The following DRC5 variants were observed in gnomAD, a reference collection of about 807,000 sequenced individuals.
DRC5 encodes dynein regulatory complex subunit 5.
chr6:44,286,421 T>C, the DRC5 span: 10 of 1,614,186 alleles, frequency 6.2e-6, no homozygotes, highest in East Asian at 4.5e-5. Context: ...GCGGAGCCAG[T>C]AGTTCTCACT....
At chr6:44,284,409 C>T in the DRC5 span, among the ~76,000 whole-genome samples, 1 of 151,988 alleles carries the variant, frequency 6.6e-6, no homozygotes, top group African/African-American at 2.4e-5. Flanking sequence ...TTTGGCTCTC[C>T]CCTGTGAGAC....
the DRC5 span, among the ~76,000 whole-genome samples, chr6:44,288,942 C>T: frequency 8.7e-6 from 1 of 114,312 alleles, no homozygotes; most frequent in Non-Finnish European, 1.6e-5. Context: ...TGCAGTGAGC[C>T]AAGACTGTGC....
the DRC5 span, among the ~76,000 whole-genome samples, chr6:44,289,162 C>T: frequency 1.3e-5 from 2 of 150,116 alleles, no homozygotes; most frequent in Admixed American, 6.7e-5. Context: ...CTCAGCCTCC[C>T]GATTACAGGG....
the DRC5 span, among the ~76,000 whole-genome samples, chr6:44,289,013 A>G: frequency 1.4e-5 from 2 of 144,938 alleles, no homozygotes; most frequent in Admixed American, 7.0e-5. Flanking sequence ...AAAAAAAAAA[A>G]AAAAAAAAAG....
At chr6:44,295,643 G>A in the DRC5 span, among the ~76,000 whole-genome samples, 1 of 152,152 alleles carries the variant, frequency 6.6e-6, no homozygotes, top group African/African-American at 2.4e-5. Flanking sequence ...GGTGTTCTGG[G>A]AACCATACCC....
At chr6:44,285,692 T>C in the DRC5 span, among the ~76,000 whole-genome samples, 1 of 152,232 alleles carries the variant, frequency 6.6e-6, no homozygotes, top group Non-Finnish European at 1.5e-5. Flanking sequence ...CAAATGATAA[T>C]CTTGCTCATC....
chr6:44,286,577 G>A, the DRC5 span: 9 of 1,523,830 alleles, frequency 5.9e-6, no homozygotes, highest in Non-Finnish European at 8.0e-6. Flanking sequence ...AGTGTTGGGG[G>A]ACACCTCAAC....
chr6:44,295,373 T>C, the DRC5 span, among the ~76,000 whole-genome samples: 1 of 152,098 alleles, frequency 6.6e-6, no homozygotes, highest in African/African-American at 2.4e-5. Flanking sequence ...TGGCTTCACA[T>C]GGTTGTGTCT....
chr6:44,288,900 A>C, the DRC5 span, among the ~76,000 whole-genome samples: 1 of 143,836 alleles, frequency 7.0e-6, no homozygotes, highest in South Asian at 2.4e-4. Flanking sequence ...AGGCTGAGGC[A>C]TGACAATCAG....
chr6:44,281,329 T>C, the DRC5 span, among the ~76,000 whole-genome samples: 1 of 152,160 alleles, frequency 6.6e-6, no homozygotes, highest in Non-Finnish European at 1.5e-5. Flanking sequence ...TAAAGGAAAA[T>C]ATCAGCATAT....
At chr6:44,288,489 G>T in the DRC5 span, among the ~76,000 whole-genome samples, 488 of 152,208 alleles carry the variant, frequency 3.2e-3, 7 homozygotes, top group African/African-American at 0.011. Context: ...GCCCTCTGAG[G>T]GTGAGGGGTG....
the DRC5 span, among the ~76,000 whole-genome samples, chr6:44,289,965 G>A: frequency 6.6e-6 from 1 of 152,296 alleles, no homozygotes; most frequent in South Asian, 2.1e-4. Context: ...GCAGAGGGAG[G>A]GACCAGATGG....
chr6:44,290,587 G>A, the DRC5 span, among the ~76,000 whole-genome samples: 108,382 of 152,040 alleles, frequency 0.71, 39,902 homozygotes, highest in Non-Finnish European at 0.81. Flanking sequence ...TAGACAGTAC[G>A]ACAGAGGCAA....
At chr6:44,294,306 T>C in the DRC5 span, among the ~76,000 whole-genome samples, 1 of 152,302 alleles carries the variant, frequency 6.6e-6, no homozygotes, top group Admixed American at 6.5e-5. Context: ...TTTTAAAAAG[T>C]AGAAGTTGTA....
chr6:44,288,042 T>C, the DRC5 span: 2 of 502,370 alleles, frequency 4.0e-6, no homozygotes, highest in Non-Finnish European at 6.8e-6. Flanking sequence ...CCAAGTTATC[T>C]GTGTGGCCTT....
chr6:44,280,573 C>G, the DRC5 span, among the ~76,000 whole-genome samples: 3 of 152,364 alleles, frequency 2.0e-5, no homozygotes, highest in Admixed American at 1.3e-4. Flanking sequence ...CCAATACCCA[C>G]TAAATTGACA....
chr6:44,281,998 A>T, the DRC5 span: 1 of 1,038,490 alleles, frequency 9.6e-7, no homozygotes, highest in Non-Finnish European at 1.4e-6. Flanking sequence ...ATGTGTGCAT[A>T]CTTGATGCAG....
chr6:44,284,814 C>T, the DRC5 span, among the ~76,000 whole-genome samples: 1 of 152,246 alleles, frequency 6.6e-6, no homozygotes, highest in Non-Finnish European at 1.5e-5. Context: ...CCCTCACCCT[C>T]ACCTGGATTT....
At chr6:44,285,925 C>A in the DRC5 span, 1 of 1,548,652 alleles carries the variant, frequency 6.5e-7, no homozygotes, top group Non-Finnish European at 8.8e-7. Flanking sequence ...CTGAGAGATG[C>A]TGAGAAGGGG....
Sources: gnomAD v4.1 joint callset for allele counts (sites outside exome capture counted in the v4.1 genomes callset) on GRCh38, gnomAD v4.1.1 for gene constraint, MANE v1.5 for transcripts, NCBI Gene and HGNC (gene_info 2026-07-23, HGNC 2026-07-21) for gene names.